SDK1: variants seen among roughly 807,000 people sequenced by gnomAD.
SDK1 encodes protein sidekick-1.
Under a neutral mutation model 245.5 loss-of-function variants are expected in SDK1, and 157 were observed. That is an observed-to-expected ratio of 0.64 (90% CI 0.56 to 0.73). SDK1 has a LOEUF of 0.73. Ranked by LOEUF, SDK1 falls within the 30% of genes least tolerant of loss-of-function variation. The pLI is 0.00. For missense variants in SDK1, 3,583 were observed against 3,002.3 expected (o/e 1.19, Z -4.52); for synonymous variants, 1,647 against 1,278.5 (o/e 1.29, Z -6.15).
intron 17 of SDK1, 37 bp from the exon 18 acceptor site, chr7:4,049,311 A>G: frequency 6.5e-7 from 1 of 1,539,224 alleles, no homozygotes; most frequent in Non-Finnish European, 9.0e-7. Context: ...CCCTCCTGCC[A>G]TTTGTTCTGC....
intron 22 of SDK1, among the ~76,000 whole-genome samples, chr7:4,108,883 G>A (rs934615976): frequency 6.6e-5 from 10 of 152,292 alleles, no homozygotes; most frequent in Admixed American, 3.3e-4. Flanking sequence ...TGTCTCAATG[G>A]ATGGAAAGAT....
In SDK1 at chr7:3,586,720, AAAG is replaced by A. The variant is rs1456078694; in HGVS notation, c.299-32357_299-32355del. On this transcript the variant is annotated intron_variant, in intron 1 of 44. Coordinates refer to ENST00000404826, the MANE Select transcript of SDK1 (RefSeq NM_152744.4). ...ACTCCGTCTCAAAAAAAAAAAAAAAAAAGAAATAGAGGACAGAAGCAATTTTGT... is the reference window on the plus strand; with the variant it reads ...ACTCCGTCTCAAAAAAAAAAAAAAAAAAATAGAGGACAGAAGCAATTTTGT... Among the ~76,000 whole-genome samples the A allele has an allele frequency of 7.9e-5, 12 of 151,812 alleles. No homozygotes were observed. The East Asian group carries it at 1.6e-3, about 20-fold the overall frequency.
At chr7:4,070,334 A>G (rs1780169004) in intron 20 of SDK1, among the ~76,000 whole-genome samples, 1 of 152,130 alleles carries the variant, frequency 6.6e-6, no homozygotes, top group Non-Finnish European at 1.5e-5. Flanking sequence ...CCTTATCACA[A>G]CATCCACCAA....
chr7:3,500,532 A>T (rs1182635510), intron 1 of SDK1, among the ~76,000 whole-genome samples: 1 of 152,028 alleles, frequency 6.6e-6, no homozygotes, highest in South Asian at 2.1e-4. Context: ...CTTTCTCATT[A>T]TTCTTATGTG....
rs759089351 is a variant in SDK1 at position 3,971,547 on chromosome 7, A to G, written c.1796A>G (p.His599Arg). 8.1e-6 allele frequency: 13 copies of G among 1,612,764 alleles called. No homozygotes were observed. The highest frequency in any genetic ancestry group is 7.7e-5 in the South Asian group (7 of 90,750). ...GCCACGCTGCACTGTGGTGCCACAC[A>G]TGACCCCCGGGTTTCACTCCGGTCA... ...TTATLHCGAT[H>R]DPRVSLRYVW... The change falls in exon 12 of 45, where the codon CAT (histidine) becomes CGT (arginine). Residue 599 changes from histidine to arginine, a missense_variant. His to Arg is a conservative substitution (Grantham distance 29). Transcript: ENST00000404826.
chr7:3,628,447 T>A (rs909666402), intron 2 of SDK1, among the ~76,000 whole-genome samples: 3 of 152,112 alleles, frequency 2.0e-5, no homozygotes, highest in Non-Finnish European at 4.4e-5. Context: ...AGGACATCAG[T>A]GTATGTAGTT....
chr7:4,224,161 G>T (rs1000270304), intron 40 of SDK1, among the ~76,000 whole-genome samples: 1 of 152,338 alleles, frequency 6.6e-6, no homozygotes, highest in East Asian at 1.9e-4. Context: ...GGCATTACCA[G>T]TTCTGTGACT....
At chr7:3,704,026 C>A (rs191905579) in intron 4 of SDK1, among the ~76,000 whole-genome samples, 4 of 152,154 alleles carry the variant, frequency 2.6e-5, no homozygotes, top group Admixed American at 2.6e-4. Flanking sequence ...TACATTGCAC[C>A]CAGTTTGTCG....
intron 4 of SDK1, among the ~76,000 whole-genome samples, chr7:3,734,628 A>T (rs1779269363): frequency 6.6e-6 from 1 of 152,226 alleles, no homozygotes; most frequent in African/African-American, 2.4e-5. Context: ...AAACTCCGTC[A>T]AATGAAATAA....
chr7:3,894,272 G>A (rs1781539444), intron 5 of SDK1, among the ~76,000 whole-genome samples: 1 of 152,270 alleles, frequency 6.6e-6, no homozygotes, highest in East Asian at 1.9e-4. Flanking sequence ...GTTTTAAAAT[G>A]TGCATGGCTC....
chr7:3,701,103 A>G (rs1784726556), intron 4 of SDK1, among the ~76,000 whole-genome samples: 1 of 152,236 alleles, frequency 6.6e-6, no homozygotes, highest in Non-Finnish European at 1.5e-5. Flanking sequence ...AAAACTCAGA[A>G]TAAGTTCAGT....
At chr7:3,491,775 T>C (rs1347258176) in intron 1 of SDK1, among the ~76,000 whole-genome samples, 1 of 152,226 alleles carries the variant, frequency 6.6e-6, no homozygotes, top group Non-Finnish European at 1.5e-5. Flanking sequence ...AATACAAATT[T>C]CGTTGGCAAG....
At chr7:4,252,076 C>T (rs982358160) in intron 44 of SDK1, among the ~76,000 whole-genome samples, 4 of 151,984 alleles carry the variant, frequency 2.6e-5, no homozygotes, top group South Asian at 2.1e-4. Flanking sequence ...TTTTATTATA[C>T]GTTAAGTTTT....
chr7:3,601,398 G>A (rs1338590845), intron 1 of SDK1, among the ~76,000 whole-genome samples: 1 of 151,966 alleles, frequency 6.6e-6, no homozygotes, highest in Admixed American at 6.5e-5. Flanking sequence ...TTCTTTAATT[G>A]CTTATGGGAC....
intron 35 of SDK1, among the ~76,000 whole-genome samples, chr7:4,184,116 C>T (rs1782747039): frequency 1.3e-5 from 2 of 152,324 alleles, no homozygotes; most frequent in South Asian, 4.1e-4. Flanking sequence ...TGAGGAGAGG[C>T]ACTGCTAACG....
rs112019181 is a variant in SDK1 at position 3,343,002 on chromosome 7, G to GGA, written c.298+41118_298+41119insGA. 2.6e-4 allele frequency among the ~76,000 whole-genome samples: 36 copies of GGA among 138,000 alleles called. 1 individual carries two copies. In the South Asian group the frequency reaches 7.3e-3, roughly 28 times the overall value. 90.5% of individuals were successfully genotyped at this position (138,000 alleles called of 152,430 possible). On this transcript the variant is annotated intron_variant, in intron 1 of 44. Transcript: ENST00000404826. ...GGGAGAAAACTTCTGCTAAATGGCT[G>GGA]AAAAAAAAAAAAAAGCACCAAATGT...
chr7:3,490,725 T>A (rs1781839862), intron 1 of SDK1, among the ~76,000 whole-genome samples: 1 of 152,236 alleles, frequency 6.6e-6, no homozygotes, highest in African/African-American at 2.4e-5. Context: ...CCAGGCAGAC[T>A]TGGAGGGGTC....
chr7:4,180,463 T>C (rs1350030989), intron 35 of SDK1, among the ~76,000 whole-genome samples: 1 of 149,360 alleles, frequency 6.7e-6, no homozygotes, highest in Non-Finnish European at 1.5e-5. Context: ...CGGCTCCAGC[T>C]CTATGCCCTG....
At chr7:3,937,783 A>G (rs1456186337) in intron 5 of SDK1, among the ~76,000 whole-genome samples, 5 of 152,118 alleles carry the variant, frequency 3.3e-5, no homozygotes, top group African/African-American at 7.2e-5. Context: ...AGTTGCCCTG[A>G]TGGGCTTGGG....
Sources: allele counts gnomAD v4.1 joint callset (sites outside exome capture counted in the v4.1 genomes callset), GRCh38; gene constraint gnomAD v4.1.1; transcripts MANE v1.5; gene names NCBI Gene and HGNC (gene_info 2026-07-23, HGNC 2026-07-21).